TRPM8: variants seen among roughly 807,000 people sequenced by gnomAD.
TRPM8 encodes transient receptor potential cation channel subfamily M member 8, also known as TRPM8 cationic channel.
A neutral mutation model predicts 133.7 loss-of-function variants in TRPM8; 110 were observed. That is an observed-to-expected ratio of 0.82 (90% CI 0.70 to 0.96). TRPM8 has a LOEUF of 0.96. TRPM8 is among the 40% of genes least tolerant of loss of function. TRPM8 has a pLI of 0.00. For synonymous variants in TRPM8, 535 were observed against 532.3 expected, an observed-to-expected ratio of 1.01 and a Z score of -0.07; for missense variants, 1,291 against 1,379.5, an observed-to-expected ratio of 0.94 and a Z score of 1.02.
chr2:233,996,586 GT>G, intron 22 of TRPM8, 70 bp downstream of exon 22: 1 of 1,367,402 alleles, frequency 7.3e-7, no homozygotes, highest in Non-Finnish European at 1.0e-6. Flanking sequence ...TGCCTGGTGT[GT>G]ATCTCAACAG....
intron 22 of TRPM8, among the ~76,000 whole-genome samples, chr2:234,001,138 G>A (rs974276752): frequency 6.6e-6 from 1 of 152,128 alleles, no homozygotes; most frequent in Non-Finnish European, 1.5e-5. Flanking sequence ...TGGAGATGAG[G>A]ACACTGTTTT....
chr2:233,927,908 TTC>T (rs1253864335), intron 2 of TRPM8, among the ~76,000 whole-genome samples: 15 of 38,870 alleles, frequency 3.9e-4, no homozygotes, highest in East Asian at 2.0e-3. Flanking sequence ...CTTTCTTTCT[TTC>T]TCTCTCTCTC....
chr2:234,003,306 G>T (rs1448082702), intron 22 of TRPM8, among the ~76,000 whole-genome samples: 1 of 152,196 alleles, frequency 6.6e-6, no homozygotes, highest in East Asian at 1.9e-4. Context: ...CTTTGGGGAT[G>T]TCATTAACGA....
At position 233,927,898 on chromosome 2, in the gene TRPM8, CTTTCTTTCTT is replaced by C. The variant is rs1165095819; in HGVS notation, c.117+1246_117+1255del. Among the ~76,000 whole-genome samples the C allele has an allele frequency of 2.7e-5, 2 of 72,876 alleles. 1 individual carries two copies. Among genetic ancestry groups the C allele is most frequent in the African/African-American group, 2.0e-4 (2 of 9,892 alleles). The allele number at this position is 72,876 out of a possible 152,430, so 47.8% of individuals were successfully genotyped here. The stretch of plus-strand genomic sequence containing the variant: ...TCTTTCTTTCTTTCTTTCTTTCTTT[CTTTCTTTCTT>C]TCTCTCTCTCTCTCTTTCTCTCTCT... On this transcript the variant is annotated intron_variant, in intron 2 of 25. Coordinates refer to ENST00000324695, the MANE Select transcript of TRPM8 (RefSeq NM_024080.5).
At chr2:234,009,502 G>A (rs11563203) in intron 24 of TRPM8, among the ~76,000 whole-genome samples, 37,929 of 151,924 alleles carry the variant, frequency 0.25, 5,519 homozygotes, top group East Asian at 0.45. Context: ...CTGGGCCCTG[G>A]GTCAGAGGAG....
At position 233,947,063 on chromosome 2, in the gene TRPM8, A is replaced by G. The variant is rs143548113; in HGVS notation, c.875-25A>G. The G allele has an allele frequency of 1.1e-4, 180 of 1,611,332 alleles. No homozygotes were observed. The African/African-American group carries it at 1.8e-3, about 16-fold the overall frequency. ...TGAGTATTTCTAATGAGCTCAAAATATGCTTTACTTTTTATATTTTACAGA... is the reference window on the plus strand; with the variant it reads ...TGAGTATTTCTAATGAGCTCAAAATGTGCTTTACTTTTTATATTTTACAGA... On this transcript the variant is annotated intron_variant, in intron 7 of 25. Transcript: ENST00000324695.
intron 2 of TRPM8, among the ~76,000 whole-genome samples, chr2:233,928,956 C>A (rs907183777): frequency 2.0e-5 from 3 of 149,910 alleles, no homozygotes; most frequent in Non-Finnish European, 3.0e-5. Context: ...TTTGAACATT[C>A]ATGGAATTGT....
In TRPM8 at chr2:233,989,025, A is replaced by G. The variant is rs537173223; in HGVS notation, c.2939+3160A>G. On this transcript the variant is annotated intron_variant, in intron 21 of 25. Transcript: ENST00000324695. The surrounding 1 kb of genome is among the most constrained non-coding windows in gnomAD (Gnocchi z 4.2). ...CTCACCACTAACTATATTTACAGAC[A>G]TTAAACAAAAAGACCAACAGCTCCT... Among the ~76,000 whole-genome samples the G allele has an allele frequency of 7.9e-5, 12 of 152,348 alleles. No homozygotes were observed. The highest frequency in any genetic ancestry group is 1.6e-4 in the Non-Finnish European group (11 of 68,028).
chr2:233,964,689 T>C lies in TRPM8; in HGVS notation c.1811T>C (p.Val604Ala), dbSNP rs1691521434. The C allele has an allele frequency of 6.2e-7, 1 of 1,612,154 alleles. No individual in the cohort carries two copies. Among genetic ancestry groups the C allele is most frequent in the African/African-American group, 1.3e-5 (1 of 74,588 alleles). The change falls in exon 14 of 26, where the codon GTG becomes GCG. Residue 604 changes from valine (V) to alanine (A), a missense_variant. Coordinates refer to ENST00000324695, the MANE Select transcript of TRPM8 (RefSeq NM_024080.5). ...AAGCTTCTGAAGACTCTGGCCAAAG[T>C]GAAGAACGACATCAATGCTGCTGGG... Reference protein sequence around the residue: ...ASKLLKTLAKVKNDINAAGES... With the variant: ...ASKLLKTLAKAKNDINAAGES...
At chr2:233,926,691 T>A in intron 2 of TRPM8, 37 bp downstream of exon 2, 3 of 1,515,998 alleles carry the variant, frequency 2.0e-6, no homozygotes, top group Non-Finnish European at 2.7e-6. Context: ...AAGGTTATCA[T>A]TGTAACCTTC....
rs928896123 is a variant in TRPM8, at chr2:234,018,716, A to G, written c.*1460A>G. 2 of 151,944 alleles carry G rather than the reference A, an allele frequency of 1.3e-5. No homozygotes were observed. The highest frequency in any genetic ancestry group is 4.8e-5 in the African/African-American group (2 of 41,472). The allele number at this position is 151,944 out of a possible 1,614,324, so 9.4% of individuals were successfully genotyped here. A position where few individuals can be genotyped will look rare whatever the true frequency, so the allele number is the denominator to read the frequency against. ...AAAAATTAGCTGGGTGTGGTGGTGC[A>G]CTCCTGTAATCCCAGCTACTCAGAA... On this transcript the variant is annotated 3_prime_UTR_variant, in exon 26 of 26. Coordinates refer to ENST00000324695, the MANE Select transcript of TRPM8 (RefSeq NM_024080.5).
intron 1 of TRPM8, among the ~76,000 whole-genome samples, chr2:233,919,933 C>T (rs1190863005): frequency 6.6e-6 from 1 of 152,146 alleles, no homozygotes; most frequent in East Asian, 1.9e-4. Context: ...TGATTATATG[C>T]TCTGGAAACA....
intron 17 of TRPM8, among the ~76,000 whole-genome samples, chr2:233,973,684 C>T (rs887815660): frequency 4.6e-5 from 7 of 152,204 alleles, no homozygotes; most frequent in Admixed American, 1.3e-4. Flanking sequence ...ACACCTAAAA[C>T]GAGTCTCTTT....
At chr2:233,972,541 C>T (rs1053297291) in intron 17 of TRPM8, among the ~76,000 whole-genome samples, 11 of 152,198 alleles carry the variant, frequency 7.2e-5, no homozygotes, top group African/African-American at 1.7e-4. Flanking sequence ...GGAGGAGGCT[C>T]GGGCAGCACA....
At chr2:233,964,582 A>T in intron 13 of TRPM8, 46 bp from the exon 14 acceptor site, 4 of 1,375,464 alleles carry the variant, frequency 2.9e-6, no homozygotes, top group African/African-American at 1.5e-5. Context: ...AAAAAAGAAA[A>T]GGAAAAAAAA....
intron 3 of TRPM8, among the ~76,000 whole-genome samples, chr2:233,932,298 G>A (rs1014189313): frequency 1.3e-5 from 2 of 152,194 alleles, no homozygotes; most frequent in African/African-American, 4.8e-5. Context: ...GGTCATTGTT[G>A]GTTGTGCGTT....
At chr2:233,919,150 T>TAA (rs66708466) in intron 1 of TRPM8, among the ~76,000 whole-genome samples, 16 of 151,740 alleles carry the variant, frequency 1.1e-4, no homozygotes, top group South Asian at 6.2e-4. Context: ...AAGCAACTTA[T>TAA]AAAACATGCC....
rs778311034 is a variant in TRPM8, at chr2:234,017,373, T to C, written c.*117T>C. The C allele has an allele frequency of 2.1e-5, 10 of 471,158 alleles. No homozygotes were observed. The highest frequency in any genetic ancestry group is 1.8e-4 in the African/African-American group (9 of 50,086). 29.2% of individuals were successfully genotyped at this position (471,158 alleles called of 1,614,324 possible). ...AGAGATTTTCAGACCCCTGGGTACATGGTGGATGATTTTAAATCACCCTAG... is the reference window on the plus strand; with the variant it reads ...AGAGATTTTCAGACCCCTGGGTACACGGTGGATGATTTTAAATCACCCTAG... On this transcript the variant is annotated 3_prime_UTR_variant, in exon 26 of 26. Transcript: ENST00000324695.
At chr2:233,988,826 C>T (rs1345300213) in intron 21 of TRPM8, among the ~76,000 whole-genome samples, 1 of 152,190 alleles carries the variant, frequency 6.6e-6, no homozygotes, top group Non-Finnish European at 1.5e-5. Context: ...GAGGGGCCAA[C>T]ATCTGAGCTG....
Sources: gnomAD v4.1 joint callset for allele counts (sites outside exome capture counted in the v4.1 genomes callset) on GRCh38, gnomAD v4.1.1 for gene constraint, Gnocchi (gnomAD v3.1) non-coding constraint, MANE v1.5 for transcripts, NCBI Gene and HGNC (gene_info 2026-07-23, HGNC 2026-07-21) for gene names.